CCDC60: variants seen among roughly 807,000 people sequenced by gnomAD.
CCDC60 encodes coiled-coil domain-containing protein 60.
A neutral mutation model predicts 63.5 loss-of-function variants in CCDC60; 54 were observed. The ratio of observed to expected loss-of-function variants is 0.85; its 90% confidence interval spans 0.68 to 1.07. The LOEUF (loss-of-function observed/expected upper bound fraction) is 1.07. Among genes scored for constraint, CCDC60 ranks in the 50% least tolerant of loss-of-function variants. The pLI is 0.00. For missense variants in CCDC60, 651 were observed against 684.3 expected (o/e 0.95, Z 0.54); for synonymous variants, 206 against 238.8 (o/e 0.86, Z 1.27).
chr12:119,399,644 C>T (rs1290396564), intron 1 of CCDC60, among the ~76,000 whole-genome samples: 3 of 152,110 alleles, frequency 2.0e-5, no homozygotes, highest in Admixed American at 6.5e-5. Context: ...AGAGGGGCTA[C>T]GTTCTCCCTA....
intron 1 of CCDC60, among the ~76,000 whole-genome samples, chr12:119,354,315 A>G (rs1675105509): frequency 1.3e-5 from 2 of 152,122 alleles, no homozygotes; most frequent in Admixed American, 1.3e-4. Context: ...ATCCAATCCC[A>G]CAGACTCCTT....
intron 11 of CCDC60, among the ~76,000 whole-genome samples, chr12:119,527,956 T>A (rs1727433): frequency 6.6e-6 from 1 of 151,482 alleles, no homozygotes; most frequent in South Asian, 2.1e-4. Context: ...ACAGGCATGA[T>A]CCACTGCGCC....
At chr12:119,461,720 G>A (rs1950859928) in intron 2 of CCDC60, among the ~76,000 whole-genome samples, 1 of 152,146 alleles carries the variant, frequency 6.6e-6, no homozygotes. Context: ...TGTTAGCCAG[G>A]GGAGTTTTAC....
At chr12:119,433,294 C>A in intron 2 of CCDC60, 1 of 650,050 alleles carries the variant, frequency 1.5e-6, no homozygotes, top group South Asian at 1.7e-5. Context: ...AGTTGTTCTG[C>A]CACTCTTCAG....
intron 7 of CCDC60, among the ~76,000 whole-genome samples, chr12:119,509,248 G>T (rs2136448690): frequency 6.6e-6 from 1 of 152,148 alleles, no homozygotes; most frequent in Admixed American, 6.5e-5. Context: ...GTGTTTTTTT[G>T]AAAAGTAGCT....
chr12:119,537,526 G>A (rs1157338615), intron 13 of CCDC60, among the ~76,000 whole-genome samples: 2 of 152,192 alleles, frequency 1.3e-5, no homozygotes, highest in Non-Finnish European at 2.9e-5. Flanking sequence ...TTTCTGCTCT[G>A]GTTTCTCCCC....
chr12:119,430,364 C>T (rs1037126864), intron 2 of CCDC60, among the ~76,000 whole-genome samples: 1 of 152,008 alleles, frequency 6.6e-6, no homozygotes, highest in Non-Finnish European at 1.5e-5. Flanking sequence ...GGCATAAGCA[C>T]ACAGAGAAAA....
chr12:119,387,005 C>G (rs1956071385), intron 1 of CCDC60, among the ~76,000 whole-genome samples: 1 of 147,812 alleles, frequency 6.8e-6, no homozygotes, highest in South Asian at 2.2e-4. Context: ...CTCTCTCTCT[C>G]TCTCTCCCTC....
chr12:119,456,249 T>C lies in CCDC60; in HGVS notation c.171-15745T>C, dbSNP rs1950748033. Among the ~76,000 whole-genome samples, 1 of 152,066 alleles carries C rather than the reference T, an allele frequency of 6.6e-6. No individual in the cohort carries two copies. The highest frequency in any genetic ancestry group is 1.5e-5 in the Non-Finnish European group (1 of 67,996). On this transcript the variant is annotated intron_variant, in intron 2 of 13. Transcript: ENST00000327554. This position sits in a 1 kb window ranked among gnomAD's most constrained non-coding sequence, Gnocchi z 4.6. ...AGCATTAAGATAGGAATGATGAGAT[T>C]TGCCTTTTCAAAAAAGCCCTGGGGC...
intron 7 of CCDC60, among the ~76,000 whole-genome samples, chr12:119,509,082 C>T (rs1952137130): frequency 6.6e-6 from 1 of 152,154 alleles, no homozygotes; most frequent in African/African-American, 2.4e-5. Context: ...CTTCCTCTCA[C>T]ATCCAATCAC....
chr12:119,513,211 C>G (rs978230061), intron 7 of CCDC60, among the ~76,000 whole-genome samples: 2 of 152,146 alleles, frequency 1.3e-5, no homozygotes, highest in African/African-American at 4.8e-5. Context: ...AAGACAGGAC[C>G]ATTCACTTCC....
intron 4 of CCDC60, among the ~76,000 whole-genome samples, chr12:119,482,521 A>G (rs578018902): frequency 2.0e-5 from 3 of 152,268 alleles, no homozygotes; most frequent in South Asian, 2.1e-4. Flanking sequence ...CTATGTTCCA[A>G]TAAAGTTTTA....
intron 1 of CCDC60, among the ~76,000 whole-genome samples, chr12:119,344,359 T>C (rs1565963408): frequency 6.6e-6 from 1 of 152,158 alleles, no homozygotes; most frequent in East Asian, 1.9e-4. Context: ...CTTCCCCGTC[T>C]AAATAAATGA....
At chr12:119,517,774 C>T (rs951089159) in intron 8 of CCDC60, among the ~76,000 whole-genome samples, 3 of 152,132 alleles carry the variant, frequency 2.0e-5, no homozygotes, top group Admixed American at 6.5e-5. Flanking sequence ...AGCCAGCAAC[C>T]GATATGATTA....
At chr12:119,359,552 T>TA (rs1433018923) in intron 1 of CCDC60, among the ~76,000 whole-genome samples, 10 of 144,740 alleles carry the variant, frequency 6.9e-5, no homozygotes, top group Admixed American at 4.8e-4. Context: ...TTTTTTTTTT[T>TA]ATTGATCATT....
intron 1 of CCDC60, among the ~76,000 whole-genome samples, chr12:119,390,510 A>G (rs1022507851): frequency 4.6e-5 from 7 of 152,232 alleles, no homozygotes; most frequent in Non-Finnish European, 8.8e-5. Flanking sequence ...TAGATGAATC[A>G]GTGAATGGGT....
intron 1 of CCDC60, among the ~76,000 whole-genome samples, chr12:119,359,201 G>A (rs1296736963): frequency 6.6e-6 from 1 of 152,148 alleles, no homozygotes; most frequent in African/African-American, 2.4e-5. Context: ...TGCCTAATGA[G>A]GTTGAGCATG....
chr12:119,476,368 C>A lies in CCDC60; in HGVS notation c.342-2726C>A, dbSNP rs1454643978. 2.6e-5 allele frequency among the ~76,000 whole-genome samples: 4 copies of A among 152,110 alleles called. No homozygotes were observed. The East Asian group carries it at 7.7e-4, about 29-fold the overall frequency. On this transcript the variant is annotated intron_variant, in intron 3 of 13. Coordinates refer to ENST00000327554, the MANE Select transcript of CCDC60 (RefSeq NM_178499.5). ...TCCACATATCCTAAACCACTGGAAG[C>A]ATGGTTGAGCCAGTAAGAAAAGGTC...
intron 7 of CCDC60, among the ~76,000 whole-genome samples, chr12:119,511,288 A>C (rs752417360): frequency 6.6e-6 from 1 of 152,194 alleles, no homozygotes; most frequent in East Asian, 1.9e-4. Flanking sequence ...GAGACATACT[A>C]TTTGACCAAG....
Sources: allele counts gnomAD v4.1 joint callset (sites outside exome capture counted in the v4.1 genomes callset), GRCh38; gene constraint gnomAD v4.1.1; non-coding constraint Gnocchi (gnomAD v3.1); transcripts MANE v1.5; gene names NCBI Gene and HGNC (gene_info 2026-07-23, HGNC 2026-07-21).